PPT1: variants seen among roughly 807,000 people sequenced by gnomAD.
PPT1 encodes ceroid-palmitoyl-palmitoyl-protein thioesterase 1.
In PPT1, 24 loss-of-function variants were observed where a neutral mutation model predicts 44.0. That is an observed-to-expected ratio of 0.54 (90% confidence interval 0.39 to 0.77). PPT1 has a LOEUF of 0.77. Ranked by LOEUF, PPT1 falls within the 30% of genes least tolerant of loss-of-function variation. The probability of loss-of-function intolerance (pLI) is 0.00; values close to 1 mark genes in which losing one functional copy is unlikely to be tolerated. For missense variants in PPT1, 341 were observed against 378.8 expected (o/e 0.90, Z 0.83); for synonymous variants, 148 against 140.2 (o/e 1.06, Z -0.39).
intron 5 of PPT1, among the ~76,000 whole-genome samples, chr1:40,087,570 A>AC (rs1391822901): frequency 6.6e-6 from 1 of 151,648 alleles, no homozygotes; most frequent in Non-Finnish European, 1.5e-5. Context: ...GTCACTTGTC[A>AC]CCCCCCGACG....
intron 1 of PPT1, among the ~76,000 whole-genome samples, chr1:40,095,945 C>T (rs1557716030): frequency 6.6e-6 from 1 of 152,192 alleles, no homozygotes; most frequent in African/African-American, 2.4e-5. Flanking sequence ...GGCCCAATAA[C>T]TTCTGTACCT....
Position 40,078,628 on chromosome 1 carries a change from T to C in PPT1, c.658A>G (p.Met220Val). Residue 220 changes from methionine to valine, a missense_variant, in exon 7 of 9, where the codon ATG becomes GTG. Physicochemically the swap from Met to Val is conservative, Grantham distance 21. Transcript: ENST00000642050. ...ACCATCACAAACTTCTTCAGGGCCA[T>C]CAGGTTTTTCTTGTAGGACTCATTG... ...GINESYKKNL[M>V]ALKKFVMVKF... The C allele has an allele frequency of 1.9e-6, 3 of 1,613,912 alleles. No homozygotes were observed. The highest frequency in any genetic ancestry group is 2.5e-6 in the Non-Finnish European group (3 of 1,179,870).
intron 4 of PPT1, 192 bp from the exon 5 acceptor site, chr1:40,089,704 GC>G: frequency 1.5e-6 from 1 of 661,038 alleles, no homozygotes; most frequent in South Asian, 1.5e-5. Flanking sequence ...ACTCTTTCCT[GC>G]CTAAGGATCT....
chr1:40,082,537 A>G (rs1447011384), intron 5 of PPT1, among the ~76,000 whole-genome samples: 2 of 152,236 alleles, frequency 1.3e-5, no homozygotes, highest in African/African-American at 4.8e-5. Flanking sequence ...TGGTCTAGAT[A>G]GAAGACCAAA....
intron 8 of PPT1, among the ~76,000 whole-genome samples, chr1:40,075,522 C>T (rs1210615448): frequency 3.4e-5 from 5 of 148,042 alleles, no homozygotes; most frequent in African/African-American, 1.2e-4. Flanking sequence ...TCCCTTTTTA[C>T]CTCACCACCC....
downstream of PPT1, chr1:40,071,680 T>C: frequency 1.7e-6 from 1 of 598,222 alleles, no homozygotes; most frequent in South Asian, 2.1e-5. Flanking sequence ...TTCACTGAAA[T>C]ATACCTCAGG....
chr1:40,096,985 C>A (rs954527129), intron 1 of PPT1, 130 bp downstream of exon 1: 2 of 1,514,716 alleles, frequency 1.3e-6, no homozygotes, highest in Non-Finnish European at 1.8e-6. Flanking sequence ...TCCTTCAAAT[C>A]CTAAAATGTC....
At chr1:40,079,694 C>A (rs1306921205) in intron 6 of PPT1, among the ~76,000 whole-genome samples, 1 of 152,182 alleles carries the variant, frequency 6.6e-6, no homozygotes, top group Non-Finnish European at 1.5e-5. Context: ...CCACGCCCGG[C>A]CTTCTATAGG....
intron 5 of PPT1, among the ~76,000 whole-genome samples, chr1:40,083,307 T>C (rs1214426389): frequency 1.3e-5 from 2 of 152,020 alleles, no homozygotes; most frequent in East Asian, 3.9e-4. Flanking sequence ...TTTTTAAAAG[T>C]AGCCGAGCAT....
chr1:40,082,278 C>T (rs3131660), intron 5 of PPT1: 84,239 of 152,104 alleles, frequency 0.55, 25,368 homozygotes, highest in Non-Finnish European at 0.68. Context: ...ACAGAGCCAG[C>T]TACGTCAGAG....
chr1:40,078,771 ATG>A, intron 6 of PPT1, 113 bp from the exon 7 acceptor site: 1 of 867,698 alleles, frequency 1.2e-6, no homozygotes, highest in Non-Finnish European at 1.9e-6. Flanking sequence ...TTTCTTCCCC[ATG>A]GGTATGGGCT....
In PPT1 at chr1:40,089,705, C is replaced by T; in HGVS notation, c.434-193G>A. The T allele has an allele frequency of 4.5e-6, 3 of 661,066 alleles. No homozygotes were observed. The South Asian group carries it at 4.6e-5, about 10-fold the overall frequency. The allele number at this position is 661,066 out of a possible 1,614,324, so 41.0% of individuals were successfully genotyped here. ...CCTGGTGCTGCTACACTCTTTCCTG[C>T]CTAAGGATCTTTTTACCTGCTCATC... On this transcript the variant is annotated intron_variant, in intron 4 of 8. Coordinates refer to ENST00000642050, the MANE Select transcript of PPT1 (RefSeq NM_000310.4).
chr1:40,091,178 G>A (rs1232380103), intron 4 of PPT1, 151 bp downstream of exon 4: 2 of 819,882 alleles, frequency 2.4e-6, no homozygotes, highest in African/African-American at 1.7e-5. Flanking sequence ...TATGTCTCCA[G>A]CAATGCTGGC....
intron 5 of PPT1, among the ~76,000 whole-genome samples, chr1:40,081,951 A>G (rs1020169396): frequency 6.6e-6 from 1 of 152,182 alleles, no homozygotes; most frequent in Non-Finnish European, 1.5e-5. Context: ...TGATAGTGAT[A>G]TAGACAATAA....
chr1:40,080,852 C>T (rs1031681152), intron 5 of PPT1, among the ~76,000 whole-genome samples: 14 of 152,038 alleles, frequency 9.2e-5, no homozygotes, highest in South Asian at 2.1e-4. Context: ...TCAGCCTGTG[C>T]GACAGAGTGA....
At chr1:40,095,960 C>A (rs1272675898) in intron 1 of PPT1, among the ~76,000 whole-genome samples, 1 of 152,192 alleles carries the variant, frequency 6.6e-6, no homozygotes, top group East Asian at 1.9e-4. Flanking sequence ...GTACCTGCCC[C>A]TCCCTTCCAA....
intron 3 of PPT1, among the ~76,000 whole-genome samples, 152 bp downstream of exon 3, chr1:40,091,892 TA>T (rs1478705850): frequency 6.6e-6 from 1 of 151,162 alleles, no homozygotes; most frequent in Non-Finnish European, 1.5e-5. Flanking sequence ...GAAAAGAAAT[TA>T]AGTTCCATAA....
chr1:40,076,636 T>G, intron 8 of PPT1: 1 of 1,394,410 alleles, frequency 7.2e-7, no homozygotes, highest in Non-Finnish European at 9.3e-7. Context: ...TGTAGTGGAT[T>G]TTTGTAACCC....
At chr1:40,096,953 C>T in intron 1 of PPT1, 162 bp downstream of exon 1, 1 of 1,304,076 alleles carries the variant, frequency 7.7e-7, no homozygotes, top group Non-Finnish European at 1.1e-6. Flanking sequence ...GGCTCCTTCC[C>T]CTTCTCTCTT....
Sources: gnomAD v4.1 joint callset for allele counts (sites outside exome capture counted in the v4.1 genomes callset) on GRCh38, gnomAD v4.1.1 for gene constraint, MANE v1.5 for transcripts, NCBI Gene and HGNC (gene_info 2026-07-23, HGNC 2026-07-21) for gene names.